DNM3: variants seen among roughly 807,000 people sequenced by gnomAD.
DNM3 encodes the protein dynamin 3, also known as dynamin-3.
A neutral mutation model predicts 101.6 loss-of-function variants in DNM3; 47 were observed. That is an observed-to-expected ratio of 0.46 (90% CI 0.37 to 0.59). The LOEUF (loss-of-function observed/expected upper bound fraction) is 0.59. Ranked by LOEUF, DNM3 falls within the 20% of genes least tolerant of loss-of-function variation. DNM3 has a pLI of 0.00. For missense variants in DNM3, 849 were observed against 1,085.7 expected, an observed-to-expected ratio of 0.78 and a Z score of 3.06; for synonymous variants, 385 against 387.9, an observed-to-expected ratio of 0.99 and a Z score of 0.09.
chr1:172,032,960 C>A, intron 5 of DNM3, 145 bp from the exon 6 acceptor site: 4 of 966,534 alleles, frequency 4.1e-6, no homozygotes, highest in Non-Finnish European at 4.5e-6. Flanking sequence ...ACTGATGTTT[C>A]CCATTGAGTT....
intron 15 of DNM3, among the ~76,000 whole-genome samples, chr1:172,285,016 C>T (rs962465118): frequency 1.3e-5 from 2 of 152,102 alleles, no homozygotes; most frequent in African/African-American, 4.8e-5. Flanking sequence ...GGTGGTGAAG[C>T]AGTCAGGGGA....
intron 2 of DNM3, among the ~76,000 whole-genome samples, chr1:171,938,290 A>G (rs895093198): frequency 6.6e-6 from 1 of 152,090 alleles, no homozygotes; most frequent in African/African-American, 2.4e-5. Context: ...TACATAACCA[A>G]CCCACCTTCC....
At chr1:172,277,048 T>C (rs909394694) in intron 15 of DNM3, among the ~76,000 whole-genome samples, 1 of 152,104 alleles carries the variant, frequency 6.6e-6, no homozygotes, top group Non-Finnish European at 1.5e-5. Context: ...ATTCAACCTA[T>C]AAGTGCTTTA....
intron 4 of DNM3, among the ~76,000 whole-genome samples, chr1:172,031,428 A>C (rs2048598069): frequency 1.3e-5 from 2 of 152,184 alleles, no homozygotes; most frequent in Non-Finnish European, 2.9e-5. Context: ...GAGGGAGAGC[A>C]TTAGGACAAA....
chr1:172,223,248 T>C (rs891270956), intron 14 of DNM3, among the ~76,000 whole-genome samples: 26 of 151,200 alleles, frequency 1.7e-4, no homozygotes, highest in African/African-American at 5.8e-4. Context: ...CTCCAGTCTC[T>C]GGTATCAGTT....
At position 172,081,875 on chromosome 1, in the gene DNM3, A is replaced by T. The variant is rs2053174542; in HGVS notation, c.1466A>T (p.Asn489Ile). The T allele has an allele frequency of 6.2e-7, 1 of 1,613,180 alleles. No homozygotes were observed. The highest frequency in any genetic ancestry group is 1.7e-5 in the Admixed American group (1 of 59,930). The change falls in exon 12 of 21, where the codon AAC becomes ATC. Residue 489 changes from asparagine (N) to isoleucine (I), a missense_variant. Transcript: ENST00000627582. ...ATTCAAGTCTCTTACATCAACACCA[A>T]CCATGAAGACTTCATTGGCTTCGCA... ...IDIQVSYINT[N>I]HEDFIGFANA...
chr1:172,124,211 T>C (rs999516876), intron 13 of DNM3, among the ~76,000 whole-genome samples: 2 of 152,190 alleles, frequency 1.3e-5, no homozygotes, highest in Non-Finnish European at 2.9e-5. Flanking sequence ...ATATGAATCC[T>C]CTCCTACTGT....
rs186299613 is a variant in DNM3, at chr1:172,333,540, T to G, written c.1893+10200T>G. The stretch of plus-strand genomic sequence containing the variant: ...TAAAGAAACTATAAGCAAAGAGAAC[T>G]AGCACATTTTAACTTAAAACTGTAG... On this transcript the variant is annotated intron_variant, in intron 17 of 20. Coordinates refer to ENST00000627582, the MANE Select transcript of DNM3 (RefSeq NM_015569.5). Among the ~76,000 whole-genome samples the G allele has an allele frequency of 5.1e-3, 775 of 152,294 alleles. 5 individuals are homozygous for G. The highest frequency in any genetic ancestry group is 0.018 in the African/African-American group (742 of 41,576).
chr1:172,019,376 T>C (rs1219769840), intron 4 of DNM3, among the ~76,000 whole-genome samples: 1 of 151,794 alleles, frequency 6.6e-6, no homozygotes, highest in Non-Finnish European at 1.5e-5. Flanking sequence ...ACATAATTCT[T>C]ATATTTGCAA....
At position 172,071,085 on chromosome 1, in the gene DNM3, G is replaced by A. The variant is rs866177874; in HGVS notation, c.1422+2180G>A. ...AGCCTGGGTGACAGAGCAAGACCCT[G>A]CATATATATATATATATATATATAT... On this transcript the variant is annotated intron_variant, in intron 11 of 20. Coordinates refer to ENST00000627582, the MANE Select transcript of DNM3 (RefSeq NM_015569.5). Among the ~76,000 whole-genome samples, 12 of 33,372 alleles carry A rather than the reference G, an allele frequency of 3.6e-4. No individual in the cohort carries two copies. In the East Asian group the frequency reaches 0.011, roughly 32 times the overall value. 21.9% of individuals were successfully genotyped at this position (33,372 alleles called of 152,430 possible). A position where few individuals can be genotyped will look rare whatever the true frequency, so the allele number is the denominator to read the frequency against.
chr1:172,050,761 C>T (rs1009635634), intron 10 of DNM3, among the ~76,000 whole-genome samples: 14 of 152,196 alleles, frequency 9.2e-5, no homozygotes, highest in African/African-American at 3.1e-4. Flanking sequence ...ACAGAAGATG[C>T]ATAACTCCAA....
At chr1:172,284,323 T>C (rs1399624351) in intron 15 of DNM3, among the ~76,000 whole-genome samples, 3 of 152,246 alleles carry the variant, frequency 2.0e-5, no homozygotes, top group Non-Finnish European at 4.4e-5. Flanking sequence ...AACAGATGTC[T>C]GTTTTTTGTT....
intron 4 of DNM3, among the ~76,000 whole-genome samples, chr1:172,021,506 TTTG>T (rs2047852526): frequency 6.6e-6 from 1 of 152,072 alleles, no homozygotes; most frequent in Non-Finnish European, 1.5e-5. Context: ...AAGGAAGTCT[TTTG>T]AGAGTTAAAG....
In DNM3 at chr1:172,409,399, C is replaced by A. The variant is rs982094924; in HGVS notation, c.*1558C>A. On this transcript the variant is annotated 3_prime_UTR_variant, in exon 21 of 21. Transcript: ENST00000627582. ...GTAAAAACTTTTAACCATTATTAAA[C>A]AGAGAACTTGCCATGTTGAGTGCCA... is the stretch of plus-strand genomic sequence containing the variant. 6 of 984,776 alleles carry A rather than the reference C, an allele frequency of 6.1e-6. No homozygotes were observed. In the East Asian group the frequency reaches 6.8e-4, roughly 111 times the overall value. The allele number at this position is 984,776 out of a possible 1,614,324, so 61.0% of individuals were successfully genotyped here.
chr1:172,001,708 G>C (rs2046367306), intron 4 of DNM3, among the ~76,000 whole-genome samples: 1 of 152,016 alleles, frequency 6.6e-6, no homozygotes, highest in Non-Finnish European at 1.5e-5. Flanking sequence ...GGGAAAGAGG[G>C]CACCATCTTC....
intron 1 of DNM3, among the ~76,000 whole-genome samples, chr1:171,857,093 A>G (rs1253355380): frequency 6.6e-6 from 1 of 152,128 alleles, no homozygotes. Context: ...TTGGGGCCCT[A>G]TGGAGGATTG....
At chr1:171,957,199 CT>C (rs377678762) in intron 2 of DNM3, among the ~76,000 whole-genome samples, 2,634 of 138,292 alleles carry the variant, frequency 0.019, 45 homozygotes, top group African/African-American at 0.06. Flanking sequence ...TTCTTTCTTT[CT>C]TTTTTTTTTT....
At chr1:171,880,813 A>G (rs1306746177) in intron 1 of DNM3, among the ~76,000 whole-genome samples, 5 of 152,150 alleles carry the variant, frequency 3.3e-5, no homozygotes, top group Non-Finnish European at 7.4e-5. Flanking sequence ...TGAGCACATC[A>G]TCTTATCAGA....
chr1:172,157,296 G>T (rs796931509), intron 14 of DNM3, among the ~76,000 whole-genome samples: 1 of 152,154 alleles, frequency 6.6e-6, no homozygotes, highest in African/African-American at 2.4e-5. Flanking sequence ...ATCTAATACT[G>T]CTGCTGATCT....
Sources: gnomAD v4.1 joint callset for allele counts (sites outside exome capture counted in the v4.1 genomes callset) on GRCh38, gnomAD v4.1.1 for gene constraint, MANE v1.5 for transcripts, NCBI Gene and HGNC (gene_info 2026-07-23, HGNC 2026-07-21) for gene names.